The following DYRK1A variants were observed in gnomAD, a reference collection of about 807,000 sequenced individuals.
The protein encoded by DYRK1A is dual specificity tyrosine-phosphorylation-regulated kinase 1A.
Under a neutral mutation model 79.7 loss-of-function variants are expected in DYRK1A, and 9 were observed. The ratio of observed to expected loss-of-function variants is 0.11; its 90% CI spans 0.07 to 0.20. DYRK1A has a LOEUF of 0.20. Ranked by LOEUF, DYRK1A falls within the 10% of genes least tolerant of loss-of-function variation. The pLI is 1.00. For synonymous variants in DYRK1A, 349 were observed against 329.7 expected, an observed-to-expected ratio of 1.06 and a Z score of -0.63; for missense variants, 622 against 956.0, an observed-to-expected ratio of 0.65 and a Z score of 4.61.
At position 37,502,513 on chromosome 21, in the gene DYRK1A, A is replaced by T. The variant is rs75786809; in HGVS notation, c.1213-2770A>T. 6.6e-5 allele frequency: 10 copies of T among 152,286 alleles called. No individual in the cohort carries two copies. The East Asian group carries it at 1.9e-3, about 29-fold the overall frequency. The allele number at this position is 152,286 out of a possible 1,614,324, so 9.4% of individuals were successfully genotyped here. ...AATATATTGCTTGTTAAACAGTGTG[A>T]TAACCATGTGATTCTATCTACCTCT... On this transcript the variant is annotated intron_variant, in intron 9 of 11. Coordinates refer to ENST00000647188, the MANE Select transcript of DYRK1A (RefSeq NM_001347721.2).
chr21:37,386,341 C>T (rs533314079), intron 1 of DYRK1A, among the ~76,000 whole-genome samples: 7 of 152,142 alleles, frequency 4.6e-5, no homozygotes, highest in East Asian at 3.8e-4. Context: ...TTGTCTTCCA[C>T]GAAACTGGTC....
At chr21:37,374,089 T>G (rs550793157) in intron 1 of DYRK1A, among the ~76,000 whole-genome samples, 2 of 152,296 alleles carry the variant, frequency 1.3e-5, no homozygotes, top group African/African-American at 4.8e-5. Context: ...TAACAGTTAT[T>G]TTACTGACGC....
chr21:37,449,475 T>C (rs1484517816), intron 2 of DYRK1A, among the ~76,000 whole-genome samples: 6 of 152,264 alleles, frequency 3.9e-5, no homozygotes, highest in African/African-American at 1.4e-4. Context: ...GCATGGAGGT[T>C]TTCACACGCA....
At chr21:37,410,168 T>C (rs1008791891) in intron 1 of DYRK1A, among the ~76,000 whole-genome samples, 5 of 152,304 alleles carry the variant, frequency 3.3e-5, no homozygotes, top group East Asian at 3.9e-4. Context: ...AAGCATGATA[T>C]TTGAGCAAGA....
At chr21:37,378,903 G>C (rs914832847) in intron 1 of DYRK1A, among the ~76,000 whole-genome samples, 1 of 152,178 alleles carries the variant, frequency 6.6e-6, no homozygotes, top group African/African-American at 2.4e-5. Context: ...ATGGGACTGG[G>C]TCTCGATCTT....
At position 37,508,763 on chromosome 21, in the gene DYRK1A, C is replaced by T. The variant is rs373293392; in HGVS notation, c.1644+2540C>T. Reference sequence around the variant, plus strand: ...TTCACTTTGTGTAATATGCCACATTCTCTCTTACTTTTCTTACATTTCCTG... The same window carrying T: ...TTCACTTTGTGTAATATGCCACATTTTCTCTTACTTTTCTTACATTTCCTG... On this transcript the variant is annotated intron_variant, in intron 11 of 11. Transcript: ENST00000647188. Among the ~76,000 whole-genome samples the T allele has an allele frequency of 4.6e-5, 7 of 152,262 alleles. No individual in the cohort carries two copies. In the East Asian group the frequency reaches 1.2e-3, roughly 25 times the overall value.
intron 2 of DYRK1A, among the ~76,000 whole-genome samples, chr21:37,455,038 T>TC (rs2051590738): frequency 1.3e-5 from 2 of 150,298 alleles, no homozygotes; most frequent in Non-Finnish European, 1.5e-5. Flanking sequence ...TTTTTTTTTT[T>TC]CGTGCCCCAG....
At chr21:37,435,936 G>A (rs901606094) in intron 2 of DYRK1A, among the ~76,000 whole-genome samples, 5 of 152,002 alleles carry the variant, frequency 3.3e-5, no homozygotes, top group African/African-American at 1.2e-4. Context: ...TGCTTGTACC[G>A]TTATGTTGGT....
At chr21:37,502,630 A>G (rs975248778) in intron 9 of DYRK1A, 3 of 152,216 alleles carry the variant, frequency 2.0e-5, no homozygotes, top group Non-Finnish European at 4.4e-5. Context: ...CAAAAAAGAA[A>G]TTTAAAAAGA....
intron 6 of DYRK1A, among the ~76,000 whole-genome samples, chr21:37,489,684 A>T (rs1569374994): frequency 6.6e-6 from 1 of 152,042 alleles, no homozygotes; most frequent in Non-Finnish European, 1.5e-5. Flanking sequence ...TTACCAGTGA[A>T]ATCTAAAGTT....
At position 37,438,059 on chromosome 21, in the gene DYRK1A, T is replaced by C. The variant is rs116381459; in HGVS notation, c.10+17675T>C. Among the ~76,000 whole-genome samples, 186 of 152,308 alleles carry C rather than the reference T, an allele frequency of 1.2e-3. 1 individual carries two copies. Among genetic ancestry groups the C allele is most frequent in the African/African-American group, 4.3e-3 (178 of 41,576 alleles). ...CCATTCTAATACTTGGGTAGTGATA[T>C]CTCATTGTGTTTCTCTGTGATTAAT... On this transcript the variant is annotated intron_variant, in intron 2 of 11. Coordinates refer to ENST00000647188, the MANE Select transcript of DYRK1A (RefSeq NM_001347721.2).
At chr21:37,484,941 T>C (rs1444466097) in intron 5 of DYRK1A, among the ~76,000 whole-genome samples, 2 of 152,154 alleles carry the variant, frequency 1.3e-5, no homozygotes, top group African/African-American at 4.8e-5. Context: ...CAGAATAGTA[T>C]CTTCTGTATA....
chr21:37,428,958 T>G (rs1285068929), intron 2 of DYRK1A: 1 of 152,224 alleles, frequency 6.6e-6, no homozygotes, highest in Non-Finnish European at 1.5e-5. Context: ...TAAGCACTCT[T>G]TCTCCTCTTC....
chr21:37,376,699 T>A (rs2049549150), intron 1 of DYRK1A, among the ~76,000 whole-genome samples: 1 of 152,090 alleles, frequency 6.6e-6, no homozygotes, highest in South Asian at 2.1e-4. Flanking sequence ...AGAGGGAGTG[T>A]CCCTGTTTTC....
intron 2 of DYRK1A, among the ~76,000 whole-genome samples, chr21:37,422,080 C>G (rs900322638): frequency 7.2e-5 from 11 of 152,028 alleles, no homozygotes; most frequent in African/African-American, 2.7e-4. Flanking sequence ...TTATAGTTAT[C>G]TAGTTAATTT....
chr21:37,417,766 G>A (rs1456206001), intron 1 of DYRK1A, among the ~76,000 whole-genome samples: 1 of 151,778 alleles, frequency 6.6e-6, no homozygotes, highest in Non-Finnish European at 1.5e-5. Context: ...TGGTTTGTAA[G>A]TTTAACTTCA....
intron 2 of DYRK1A, among the ~76,000 whole-genome samples, chr21:37,429,817 G>A (rs1042378987): frequency 3.9e-5 from 6 of 152,178 alleles, no homozygotes; most frequent in South Asian, 2.1e-4. Context: ...GTAAAAGAAC[G>A]AAATGTCAGT....
rs544583136 is a variant in DYRK1A at position 37,410,541 on chromosome 21, C to G, written c.-76-9758C>G. 6.8e-4 allele frequency: 103 copies of G among 152,288 alleles called. 1 individual carries two copies. The highest frequency in any genetic ancestry group is 2.4e-3 in the African/African-American group (100 of 41,552). 9.4% of individuals were successfully genotyped at this position (152,288 alleles called of 1,614,324 possible). ...TTTATTCCCAAGATTTATTTATTTA[C>G]TTAGAGACACTTTCACTTTGTCACC... On this transcript the variant is annotated intron_variant, in intron 1 of 11. Transcript: ENST00000647188.
At chr21:37,419,201 T>C (rs985436765) in intron 1 of DYRK1A, 2 of 152,148 alleles carry the variant, frequency 1.3e-5, no homozygotes, top group African/African-American at 4.8e-5. Flanking sequence ...TTTCTTTCTT[T>C]CTCTTACCTG....
Sources: gnomAD v4.1 joint callset for allele counts (sites outside exome capture counted in the v4.1 genomes callset) on GRCh38, gnomAD v4.1.1 for gene constraint, MANE v1.5 for transcripts, NCBI Gene and HGNC (gene_info 2026-07-23, HGNC 2026-07-21) for gene names.